The following OSBPL9 variants were observed in gnomAD, a reference collection of about 807,000 sequenced individuals.
OSBPL9 encodes oxysterol-binding protein-related protein 9.
Under a neutral mutation model 106.6 loss-of-function variants are expected in OSBPL9, and 40 were observed. That is an observed-to-expected ratio of 0.38 (90% CI 0.29 to 0.49). The LOEUF (loss-of-function observed/expected upper bound fraction) is 0.49. OSBPL9 is among the 20% of genes least tolerant of loss of function. The pLI, the probability that OSBPL9 is intolerant of heterozygous loss-of-function variation, is 0.97. For synonymous variants in OSBPL9, 269 were observed against 295.4 expected, an observed-to-expected ratio of 0.91 and a Z score of 0.92; for missense variants, 609 against 887.2, an observed-to-expected ratio of 0.69 and a Z score of 3.98.
chr1:51,711,802 A>G (rs892939843), intron 3 of OSBPL9, among the ~76,000 whole-genome samples: 6 of 148,172 alleles, frequency 4.0e-5, no homozygotes, highest in Non-Finnish European at 7.4e-5. Flanking sequence ...CGCTCCCCAC[A>G]TCTCAGATGA....
intron 1 of OSBPL9, among the ~76,000 whole-genome samples, chr1:51,619,705 G>C (rs1287679294): frequency 6.6e-6 from 1 of 152,172 alleles, no homozygotes; most frequent in Admixed American, 6.5e-5. Flanking sequence ...GAAAAGGATA[G>C]ATATTTACTT....
chr1:51,553,985 A>C, the OSBPL9 span, among the ~76,000 whole-genome samples: 3 of 152,162 alleles, frequency 2.0e-5, no homozygotes, highest in African/African-American at 7.2e-5. Flanking sequence ...GGCCAAAAAA[A>C]ATTTGTTTTT....
intron 3 of OSBPL9, among the ~76,000 whole-genome samples, chr1:51,701,701 G>T (rs1657295117): frequency 6.6e-6 from 1 of 151,716 alleles, no homozygotes. Context: ...CAACGTGCAG[G>T]TTTGTTACAT....
chr1:51,551,967 A>ATGTGTGTGTGTGTGTGTGTGTGTGTG, the OSBPL9 span, among the ~76,000 whole-genome samples: 32 of 145,104 alleles, frequency 2.2e-4, no homozygotes, highest in African/African-American at 4.4e-4. Context: ...GTGAATAGAA[A>ATGTGTGTGTGTGTGTGTGTGTGTGTG]TGTGTGTGTG....
intron 3 of OSBPL9, among the ~76,000 whole-genome samples, chr1:51,671,957 T>C (rs540791882): frequency 6.6e-5 from 10 of 152,298 alleles, no homozygotes; most frequent in African/African-American, 2.4e-4. Flanking sequence ...TAGTTTATAC[T>C]CATATATTTG....
Position 51,680,075 on chromosome 1 carries a change from G to A in OSBPL9, c.241+10563G>A, listed in dbSNP as rs186989721. 3.6e-3 allele frequency among the ~76,000 whole-genome samples: 543 copies of A among 152,076 alleles called. 10 individuals are homozygous for A. The highest frequency in any genetic ancestry group is 0.026 in the Admixed American group (401 of 15,262). The stretch of plus-strand genomic sequence containing the variant: ...ATTCTGCCAGCCTGGCCAACATGGC[G>A]AAACCCCCTCTCCACTAAAAATACA... On this transcript the variant is annotated intron_variant, in intron 3 of 23. Coordinates refer to ENST00000428468, the MANE Select transcript of OSBPL9 (RefSeq NM_024586.6).
rs1471529272 is a variant in OSBPL9 at position 51,787,861 on chromosome 1, T to A, written c.*72T>A. 7.4e-7 allele frequency: 1 copy of A among 1,355,182 alleles called. No individual in the cohort carries two copies. Among genetic ancestry groups the A allele is most frequent in the East Asian group, 2.3e-5 (1 of 43,566 alleles). The allele number at this position is 1,355,182 out of a possible 1,614,324, so 83.9% of individuals were successfully genotyped here. Reference sequence around the variant, plus strand: ...AATTCAGCAACAAACAATCTTCCTTTGGGAGAAACCTGTTCATTCCAATCT... The same window carrying A: ...AATTCAGCAACAAACAATCTTCCTTAGGGAGAAACCTGTTCATTCCAATCT... On this transcript the variant is annotated 3_prime_UTR_variant, in exon 24 of 24. Coordinates refer to ENST00000428468, the MANE Select transcript of OSBPL9 (RefSeq NM_024586.6).
chr1:51,595,697 CAA>C (rs1645296036), intron 1 of OSBPL9, among the ~76,000 whole-genome samples: 1 of 151,944 alleles, frequency 6.6e-6, no homozygotes, highest in Admixed American at 6.6e-5. Flanking sequence ...AAATGAGGCT[CAA>C]AGAGGGAAAA....
the OSBPL9 span, among the ~76,000 whole-genome samples, chr1:51,559,215 C>T: frequency 6.6e-6 from 1 of 151,552 alleles, no homozygotes; most frequent in Admixed American, 6.6e-5. Flanking sequence ...CATCTCCATA[C>T]TGAGAGTCAC....
the OSBPL9 span, among the ~76,000 whole-genome samples, chr1:51,518,785 G>T: frequency 7.5e-4 from 114 of 151,702 alleles, no homozygotes; most frequent in African/African-American, 2.6e-3. Flanking sequence ...CGGCCCGGGG[G>T]TGCGGCCGGC....
intron 1 of OSBPL9, among the ~76,000 whole-genome samples, chr1:51,596,331 G>A (rs1645299728): frequency 1.3e-5 from 2 of 151,354 alleles, no homozygotes; most frequent in African/African-American, 4.8e-5. Flanking sequence ...GGAAGCTGAG[G>A]TGAATGGATC....
At chr1:51,577,295 G>C (rs752385947) in intron 1 of OSBPL9, 1 of 148,956 alleles carries the variant, frequency 6.7e-6, no homozygotes, top group Admixed American at 6.7e-5. Context: ...AAATTACCCC[G>C]TCTCAGGCAT....
At chr1:51,685,111 T>G (rs1012449007) in intron 3 of OSBPL9, among the ~76,000 whole-genome samples, 4 of 152,148 alleles carry the variant, frequency 2.6e-5, no homozygotes, top group Non-Finnish European at 5.9e-5. Context: ...ATACATTCAT[T>G]TTTTTCTAAA....
intron 3 of OSBPL9, among the ~76,000 whole-genome samples, chr1:51,684,363 C>T (rs1653277377): frequency 6.6e-6 from 1 of 151,866 alleles, no homozygotes; most frequent in Non-Finnish European, 1.5e-5. Context: ...TTGCAAATTG[C>T]TAAGAAAGTA....
intron 2 of OSBPL9, among the ~76,000 whole-genome samples, chr1:51,656,764 A>G (rs1043803443): frequency 2.1e-4 from 32 of 151,746 alleles, no homozygotes; most frequent in African/African-American, 7.8e-4. Context: ...GCCTCAAGCA[A>G]TCCTCCTGCC....
At chr1:51,644,010 G>A (rs1645981970) in intron 1 of OSBPL9, among the ~76,000 whole-genome samples, 1 of 150,088 alleles carries the variant, frequency 6.7e-6, no homozygotes, top group African/African-American at 2.5e-5. Flanking sequence ...AGCCTAGGAG[G>A]CAGAGGTTAC....
At chr1:51,636,920 T>C (rs1645486147) in intron 1 of OSBPL9, among the ~76,000 whole-genome samples, 1 of 152,174 alleles carries the variant, frequency 6.6e-6, no homozygotes, top group Non-Finnish European at 1.5e-5. Flanking sequence ...CTAGAGATGG[T>C]TCAGAAGTCA....
the OSBPL9 span, among the ~76,000 whole-genome samples, chr1:51,553,986 A>T: frequency 6.6e-6 from 1 of 152,168 alleles, no homozygotes; most frequent in Admixed American, 6.5e-5. Context: ...GCCAAAAAAA[A>T]TTTGTTTTTA....
chr1:51,556,109 TC>T, the OSBPL9 span, among the ~76,000 whole-genome samples: 1 of 151,964 alleles, frequency 6.6e-6, no homozygotes, highest in Non-Finnish European at 1.5e-5. Flanking sequence ...GTAAGCCTAG[TC>T]CCTATAAGTA....
Sources: allele counts gnomAD v4.1 joint callset (sites outside exome capture counted in the v4.1 genomes callset), GRCh38; gene constraint gnomAD v4.1.1; transcripts MANE v1.5; gene names NCBI Gene and HGNC (gene_info 2026-07-23, HGNC 2026-07-21).